The following MAD1L1 variants were observed in gnomAD, a reference collection of about 807,000 sequenced individuals.
MAD1L1 encodes the protein mitotic spindle assembly checkpoint protein MAD1.
MAD1L1 carries 95 observed loss-of-function variants against 96.9 expected under a neutral mutation model. The ratio of observed to expected loss-of-function variants is 0.98; its 90% CI spans 0.83 to 1.16. MAD1L1 has a LOEUF of 1.16. Among genes scored for constraint, MAD1L1 ranks in the 50% most tolerant of loss-of-function variants. The pLI is 0.00. For missense variants in MAD1L1, 1,007 were observed against 954.4 expected (o/e 1.06, Z -0.73); for synonymous variants, 473 against 396.6 (o/e 1.19, Z -2.29).
intron 11 of MAD1L1, among the ~76,000 whole-genome samples, chr7:2,077,342 T>C (rs1240506781): frequency 6.6e-6 from 1 of 152,222 alleles, no homozygotes; most frequent in African/African-American, 2.4e-5. Context: ...AGTATGATTT[T>C]TAATCATCTC....
chr7:2,157,402 G>A (rs536465443), intron 10 of MAD1L1, among the ~76,000 whole-genome samples: 7 of 152,254 alleles, frequency 4.6e-5, no homozygotes, highest in Non-Finnish European at 1.0e-4. Context: ...CCTCACATGC[G>A]TAAGAACCCG....
intron 10 of MAD1L1, among the ~76,000 whole-genome samples, chr7:2,186,161 A>T (rs1413520067): frequency 6.6e-6 from 1 of 152,266 alleles, no homozygotes; most frequent in Non-Finnish European, 1.5e-5. Context: ...GGCAAAAATT[A>T]TTAAAGTGTT....
intron 10 of MAD1L1, among the ~76,000 whole-genome samples, chr7:2,187,944 T>G (rs1181843848): frequency 6.6e-6 from 1 of 152,160 alleles, no homozygotes; most frequent in Non-Finnish European, 1.5e-5. Context: ...GCCAAACACA[T>G]ATCTAAATTC....
intron 11 of MAD1L1, among the ~76,000 whole-genome samples, chr7:2,129,010 C>T (rs1027563671): frequency 4.6e-5 from 7 of 152,326 alleles, no homozygotes; most frequent in South Asian, 2.1e-4. Context: ...GTGCTGCTGG[C>T]GCTGACCAAC....
At chr7:2,216,828 T>C (rs1438817203) in intron 7 of MAD1L1, among the ~76,000 whole-genome samples, 1 of 152,182 alleles carries the variant, frequency 6.6e-6, no homozygotes, top group South Asian at 2.1e-4. Flanking sequence ...CTGCCCCAGG[T>C]CCTCAGCAGC....
chr7:2,204,634 C>T (rs1463228846), intron 10 of MAD1L1, among the ~76,000 whole-genome samples: 2 of 152,246 alleles, frequency 1.3e-5, no homozygotes, highest in African/African-American at 2.4e-5. Context: ...CAAGCACCGC[C>T]GCTGCCGCGC....
chr7:1,890,034 C>T lies in MAD1L1; in HGVS notation c.1998+8166G>A, dbSNP rs183473536. ...GCCTCCACTCTCAAGACACACAGGA[C>T]CTGGGCCTTCCTGGCCCCTCTCTAT... On this transcript the variant is annotated intron_variant, in intron 18 of 18. Transcript: ENST00000265854. Among the ~76,000 whole-genome samples the T allele has an allele frequency of 6.4e-3, 978 of 152,362 alleles. 3 individuals are homozygous for T. The highest frequency in any genetic ancestry group is 0.018 in the South Asian group (89 of 4,828).
chr7:2,044,586 C>A (rs984736481), intron 12 of MAD1L1, among the ~76,000 whole-genome samples: 1 of 152,148 alleles, frequency 6.6e-6, no homozygotes, highest in Non-Finnish European at 1.5e-5. Flanking sequence ...CACGGGGGTG[C>A]GGCCGGGAGG....
intron 12 of MAD1L1, among the ~76,000 whole-genome samples, chr7:2,030,346 G>C (rs1254940840): frequency 6.6e-6 from 1 of 152,224 alleles, no homozygotes; most frequent in Non-Finnish European, 1.5e-5. Flanking sequence ...AATGGATGGT[G>C]ACTGAATTAG....
chr7:1,891,507 A>G (rs1786538123), intron 18 of MAD1L1, among the ~76,000 whole-genome samples: 1 of 151,092 alleles, frequency 6.6e-6, no homozygotes, highest in South Asian at 2.1e-4. Flanking sequence ...GCCTGGTGAC[A>G]GAACAAGACT....
intron 17 of MAD1L1, among the ~76,000 whole-genome samples, chr7:1,935,998 G>C (rs1778575238): frequency 6.6e-6 from 1 of 152,234 alleles, no homozygotes; most frequent in East Asian, 1.9e-4. Flanking sequence ...CAACAGCAGA[G>C]AGCAACACAG....
At chr7:2,002,885 C>T (rs1057016496) in intron 13 of MAD1L1, among the ~76,000 whole-genome samples, 3 of 152,186 alleles carry the variant, frequency 2.0e-5, no homozygotes, top group South Asian at 4.1e-4. Context: ...TCTGCCCCTG[C>T]GGTTCCTACC....
intron 12 of MAD1L1, among the ~76,000 whole-genome samples, chr7:2,015,965 C>T (rs150512682): frequency 2.0e-5 from 3 of 152,188 alleles, no homozygotes; most frequent in African/African-American, 7.2e-5. Context: ...TAGTAGAGCC[C>T]AGGAAGAAGC....
At chr7:2,130,720 G>A (rs933100051) in intron 11 of MAD1L1, among the ~76,000 whole-genome samples, 5 of 152,154 alleles carry the variant, frequency 3.3e-5, no homozygotes, top group Admixed American at 3.3e-4. Context: ...TAAATAACTA[G>A]GAGAGACCAA....
chr7:1,923,899 A>G (rs1388058281), intron 17 of MAD1L1, among the ~76,000 whole-genome samples: 1 of 152,252 alleles, frequency 6.6e-6, no homozygotes, highest in Non-Finnish European at 1.5e-5. Context: ...CACAAGGTTC[A>G]ATGGCCTGGG....
chr7:2,215,896 G>T lies in MAD1L1; in HGVS notation c.913C>A (p.Leu305Met), dbSNP rs1434473778. 1 of 1,614,024 alleles carries T rather than the reference G, an allele frequency of 6.2e-7. No individual in the cohort carries two copies. Among genetic ancestry groups the T allele is most frequent in the Non-Finnish European group, 8.5e-7 (1 of 1,180,028 alleles). ...KMQETLVGLE[L>M]ENERLLAKLQ... Reference sequence around the variant, plus strand: ...ACACAGGCCCTCACCTCGTTCTCCAGCTCCAAGCCAACCAGCGTCTCCTGC... The same window carrying T: ...ACACAGGCCCTCACCTCGTTCTCCATCTCCAAGCCAACCAGCGTCTCCTGC... The change falls in exon 9 of 19, where the codon CTG (leucine) becomes ATG (methionine). Residue 305 changes from leucine (L) to methionine (M), a missense_variant. Coordinates refer to ENST00000265854, the MANE Select transcript of MAD1L1 (RefSeq NM_001013836.2).
chr7:1,900,817 A>T (rs1227936527), intron 17 of MAD1L1, among the ~76,000 whole-genome samples: 2 of 152,208 alleles, frequency 1.3e-5, no homozygotes, highest in Non-Finnish European at 2.9e-5. Context: ...TAGACTTCAA[A>T]GCTGCCTGTG....
Position 2,225,532 on chromosome 7 carries a change from G to A in MAD1L1, c.169C>T (p.Gln57Ter), listed in dbSNP as rs780906276. 7.4e-6 allele frequency: 12 copies of A among 1,613,656 alleles called. No individual in the cohort carries two copies. The African/African-American group carries it at 1.3e-4, about 18-fold the overall frequency. ...ATGAGGTGGGACTTCGAACGGATCT[G>A]CTCTGCTCTTTCCTCCAGCTGAGCA... ...QSMQLEERAEQIRSKSHLIQV... is the reference protein window; with the variant it reads ...QSMQLEERAE Residue 57 changes from glutamine (Q) to a stop codon, truncating the protein, a stop_gained, in exon 4 of 19, where the codon CAG becomes TAG. Transcript: ENST00000265854. LOFTEE classifies it high-confidence loss of function.
At chr7:2,063,538 C>T (rs924665993) in intron 12 of MAD1L1, among the ~76,000 whole-genome samples, 2 of 152,208 alleles carry the variant, frequency 1.3e-5, no homozygotes, top group African/African-American at 2.4e-5. Flanking sequence ...TAAACAACAG[C>T]GCTTGCCTCT....
Sources: gnomAD v4.1 joint callset for allele counts (sites outside exome capture counted in the v4.1 genomes callset) on GRCh38, gnomAD v4.1.1 for gene constraint, MANE v1.5 for transcripts, NCBI Gene and HGNC (gene_info 2026-07-23, HGNC 2026-07-21) for gene names.